The following DNAH2 variants were observed in gnomAD, a reference collection of about 807,000 sequenced individuals.
DNAH2 encodes axonemal beta dynein heavy chain 2.
Under a neutral mutation model 523.5 loss-of-function variants are expected in DNAH2, and 323 were observed. The ratio of observed to expected loss-of-function variants is 0.62; its 90% CI spans 0.56 to 0.68. The LOEUF (loss-of-function observed/expected upper bound fraction) is 0.68. DNAH2 is among the 30% of genes least tolerant of loss of function. DNAH2 has a pLI of 0.00. For synonymous variants in DNAH2, 2,093 were observed against 2,177.4 expected (o/e 0.96, Z 1.08); for missense variants, 4,907 against 5,701.5 (o/e 0.86, Z 4.49).
At chr17:7,738,978 T>G (rs1319870973) in intron 8 of DNAH2, 1 of 702,916 alleles carries the variant, frequency 1.4e-6, no homozygotes, top group Admixed American at 2.0e-5. Flanking sequence ...TTGCTCAGGT[T>G]GATGCCTTTG....
chr17:7,768,349 C>T (rs1199919985), intron 24 of DNAH2, 82 bp downstream of exon 24: 11 of 1,389,916 alleles, frequency 7.9e-6, no homozygotes, highest in East Asian at 2.3e-5. Flanking sequence ...TTCTCCTCTC[C>T]GCAGTGTTCA....
chr17:7,787,241 C>T (rs2076764979), intron 42 of DNAH2: 1 of 668,142 alleles, frequency 1.5e-6, no homozygotes, highest in Non-Finnish European at 2.5e-6. Context: ...AAGAAAAACA[C>T]CCTCTGTTGT....
Position 7,734,168 on chromosome 17 carries a change from C to T in DNAH2, c.629-15C>T. On this transcript the variant is annotated splice_polypyrimidine_tract_variant and intron_variant, in intron 5 of 85. Transcript: ENST00000572933. ...CATCCCCTCTGTCCACTTCCACAAA[C>T]TTTCCTTTCCTTAGACACTCGGTAC... 1 of 1,571,534 alleles carries T rather than the reference C, an allele frequency of 6.4e-7. No homozygotes were observed. The highest frequency in any genetic ancestry group is 8.6e-7 in the Non-Finnish European group (1 of 1,157,264).
In DNAH2 at chr17:7,754,517, G is replaced by A. The variant is rs1301759436; in HGVS notation, c.1905-2574G>A. The A allele has an allele frequency of 4.0e-5, 37 of 933,236 alleles. No homozygotes were observed. Among genetic ancestry groups the A allele is most frequent in the Admixed American group, 2.8e-4 (14 of 49,444 alleles). 57.8% of individuals were successfully genotyped at this position (933,236 alleles called of 1,614,324 possible). Reference sequence around the variant, plus strand: ...GACTCCAAGTTCCTGAGGAACATGCGCTTTGCCAAGAAGCACAAAAGAAGG... The same window carrying A: ...GACTCCAAGTTCCTGAGGAACATGCACTTTGCCAAGAAGCACAAAAGAAGG... On this transcript the variant is annotated intron_variant, in intron 12 of 85. Transcript: ENST00000572933. The surrounding 1 kb of genome is among the most constrained non-coding windows in gnomAD (Gnocchi z 4.6).
chr17:7,759,320 A>G (rs1319066764), intron 15 of DNAH2, 102 bp from the exon 16 acceptor site: 11 of 1,499,134 alleles, frequency 7.3e-6, no homozygotes, highest in Non-Finnish European at 9.8e-6. Flanking sequence ...CTGCGTTTCC[A>G]TTAAACCAAC....
rs1172273643 is a variant in DNAH2, at chr17:7,824,280, C to T, written c.11638C>T (p.Leu3880Phe). The T allele has an allele frequency of 2.6e-6, 4 of 1,535,206 alleles. No homozygotes were observed. Among genetic ancestry groups the T allele is most frequent in the Non-Finnish European group, 3.5e-6 (4 of 1,145,636 alleles). ...GQGQAPIAAR[L>F]LREGVTQGHW... ...GGGCCAGGCCCCCATCGCTGCTCGGCTCCTCCGAGAGGGTGTGACTCAGGG... is the reference window on the plus strand; with the variant it reads ...GGGCCAGGCCCCCATCGCTGCTCGGTTCCTCCGAGAGGGTGTGACTCAGGG... The change falls in exon 76 of 86, where the codon CTC becomes TTC. Residue 3880 changes from leucine (L) to phenylalanine (F), a missense_variant. Around this residue, in one of 3 missense-constraint regions of DNAH2, gnomAD observed 1,851 missense variants for 2,139.4 expected, o/e 0.87. Coordinates refer to ENST00000572933, the MANE Select transcript of DNAH2 (RefSeq NM_020877.5).
At chr17:7,774,125 G>A (rs2076388718) in intron 28 of DNAH2, among the ~76,000 whole-genome samples, 1 of 152,106 alleles carries the variant, frequency 6.6e-6, no homozygotes, top group African/African-American at 2.4e-5. Context: ...AGCACTTTAC[G>A]GCTTCTCTTT....
intron 63 of DNAH2, among the ~76,000 whole-genome samples, chr17:7,814,620 T>G (rs998571228): frequency 3.3e-5 from 5 of 152,232 alleles, no homozygotes; most frequent in Non-Finnish European, 7.3e-5. Flanking sequence ...ACGCCTGTAA[T>G]CCCAGCGCTT....
Position 7,798,101 on chromosome 17 carries a change from A to G in DNAH2, c.8231-56A>G. The G allele has an allele frequency of 2.0e-6, 3 of 1,527,676 alleles. No homozygotes were observed. The highest frequency in any genetic ancestry group is 1.8e-6 in the Non-Finnish European group (2 of 1,136,952). The allele number at this position is 1,527,676 out of a possible 1,614,324, so 94.6% of individuals were successfully genotyped here. On this transcript the variant is annotated intron_variant, in intron 53 of 85. Transcript: ENST00000572933. This position sits in a 1 kb window ranked among gnomAD's most constrained non-coding sequence, Gnocchi z 5.5. ...CCCCAATCCCTAGCCTAGGGCCTGGAGGTCCCCTGAGTTTGCTCAGCCAAC... is the reference window on the plus strand; with the variant it reads ...CCCCAATCCCTAGCCTAGGGCCTGGGGGTCCCCTGAGTTTGCTCAGCCAAC...
intron 1 of DNAH2, among the ~76,000 whole-genome samples, chr17:7,719,419 G>C (rs796619167): frequency 6.6e-6 from 1 of 152,048 alleles, no homozygotes; most frequent in Non-Finnish European, 1.5e-5. Context: ...ATGAGCCACC[G>C]CACCCAGCCT....
At position 7,804,330 on chromosome 17, in the gene DNAH2, A is replaced by G; in HGVS notation, c.9047A>G (p.Glu3016Gly). 2 of 1,614,184 alleles carry G rather than the reference A, an allele frequency of 1.2e-6. No homozygotes were observed. Among genetic ancestry groups the G allele is most frequent in the Non-Finnish European group, 1.7e-6 (2 of 1,180,040 alleles). ...KLRTGLFKID[E>G]TREKVQVMSL... ...CGGACAGGCTTGTTCAAGATCGACGAAACTAGGGAAAAGGTGCAAGTGATG... is the reference window on the plus strand; with the variant it reads ...CGGACAGGCTTGTTCAAGATCGACGGAACTAGGGAAAAGGTGCAAGTGATG... Residue 3016 changes from glutamate to glycine, a missense_variant, in exon 59 of 86, where the codon GAA becomes GGA. Transcript: ENST00000572933.
chr17:7,784,761 G>A (rs1375570150), intron 39 of DNAH2, among the ~76,000 whole-genome samples: 3 of 152,256 alleles, frequency 2.0e-5, no homozygotes, highest in South Asian at 4.1e-4. Flanking sequence ...AGAAGCAATC[G>A]TAAAGGTGAA....
chr17:7,734,443 AAGG>A, intron 6 of DNAH2, 24 bp from the exon 7 acceptor site: 1 of 1,609,642 alleles, frequency 6.2e-7, no homozygotes, highest in Non-Finnish European at 8.5e-7. Context: ...TGAAGAAACG[AAGG>A]AGATTTTGTA....
chr17:7,820,000 G>C (rs1190537923), intron 72 of DNAH2, among the ~76,000 whole-genome samples: 1 of 152,016 alleles, frequency 6.6e-6, no homozygotes, highest in East Asian at 1.9e-4. Context: ...GTACAGAAAG[G>C]GTCTCCCTAT....
intron 12 of DNAH2, among the ~76,000 whole-genome samples, chr17:7,749,165 G>A (rs932514356): frequency 2.1e-4 from 31 of 150,582 alleles, no homozygotes; most frequent in African/African-American, 5.4e-4. Flanking sequence ...AAAATTAGCC[G>A]GGCATGGTGG....
intron 68 of DNAH2, 66 bp downstream of exon 68, chr17:7,818,162 G>A: frequency 3.1e-6 from 5 of 1,604,258 alleles, no homozygotes; most frequent in African/African-American, 1.3e-5. Context: ...CTCTCTGACT[G>A]TGTCCTCTTC....
rs758751862 is a variant in DNAH2 at position 7,816,687 on chromosome 17, C to T, written c.9846C>T (p.Leu3282=). The T allele has an allele frequency of 1.1e-5, 17 of 1,614,152 alleles. No homozygotes were observed. Among genetic ancestry groups the T allele is most frequent in the Middle Eastern group, 1.7e-4 (1 of 6,050 alleles). ...MELKLERAGM[L]VSGLAGEKAR... ...TGAAGCTGGAGCGAGCTGGGATGCT[C>T]GTGTCGGGGTTGGCTGGCGAGAAGG... is the stretch of plus-strand genomic sequence containing the variant. Residue 3282 remains leucine, a synonymous_variant, in exon 64 of 86, where the codon CTC becomes CTT. Coordinates refer to ENST00000572933, the MANE Select transcript of DNAH2 (RefSeq NM_020877.5).
Position 7,734,182 on chromosome 17 carries a change from G to A in DNAH2, c.629-1G>A. On this transcript the variant is annotated splice_acceptor_variant, in intron 5 of 85. Coordinates refer to ENST00000572933, the MANE Select transcript of DNAH2 (RefSeq NM_020877.5). LOFTEE classifies it high-confidence loss of function. ...ACTTCCACAAACTTTCCTTTCCTTA[G>A]ACACTCGGTACAAACTGGAGGGGCA... 6.3e-7 allele frequency: 1 copy of A among 1,585,758 alleles called. No homozygotes were observed.
Position 7,752,702 on chromosome 17 carries a change from T to A in DNAH2, c.1905-4389T>A, listed in dbSNP as rs567186179. Among the ~76,000 whole-genome samples, 3 of 152,124 alleles carry A rather than the reference T, an allele frequency of 2.0e-5. No individual in the cohort carries two copies. The East Asian group carries it at 5.8e-4, about 29-fold the overall frequency. Reference sequence around the variant, plus strand: ...TCCAGCCTGGGTGACAGAGCAAGACTCCGTCTCAAAAAAGAAAAAAAATTG... The same window carrying A: ...TCCAGCCTGGGTGACAGAGCAAGACACCGTCTCAAAAAAGAAAAAAAATTG... On this transcript the variant is annotated intron_variant, in intron 12 of 85. Coordinates refer to ENST00000572933, the MANE Select transcript of DNAH2 (RefSeq NM_020877.5).
Sources: gnomAD v4.1 joint callset for allele counts (sites outside exome capture counted in the v4.1 genomes callset) on GRCh38, gnomAD v4.1.1 for gene constraint, gnomAD v4.1.1 regional missense constraint, Gnocchi (gnomAD v3.1) non-coding constraint, MANE v1.5 for transcripts, NCBI Gene and HGNC (gene_info 2026-07-23, HGNC 2026-07-21) for gene names.